The following NLRP12 variants were observed in gnomAD, a reference collection of about 807,000 sequenced individuals.
NLRP12 encodes NACHT, LRR and PYD domains-containing protein 12.
In NLRP12, 108 loss-of-function variants were observed where a neutral mutation model predicts 91.2. That is an observed-to-expected ratio of 1.18 (90% confidence interval 1.01 to 1.39). The LOEUF (loss-of-function observed/expected upper bound fraction) is 1.39, where lower values mean the gene tolerates loss of function less well. NLRP12 is among the 40% of genes most tolerant of loss of function. The pLI is 0.00. For missense variants in NLRP12, 1,530 were observed against 1,352.7 expected (o/e 1.13, Z -2.06); for synonymous variants, 613 against 566.7 (o/e 1.08, Z -1.16).
intron 1 of NLRP12, among the ~76,000 whole-genome samples, chr19:53,815,842 C>G (rs1490263431): frequency 6.6e-6 from 1 of 151,998 alleles, no homozygotes; most frequent in African/African-American, 2.4e-5. Context: ...GAACTCCTGA[C>G]CTCGTGATCC....
At position 53,807,574 on chromosome 19, in the gene NLRP12, G is replaced by T; in HGVS notation, c.2164C>A (p.Arg722=). The change falls in exon 4 of 10, where the codon CGA becomes AGA. Residue 722 remains arginine (R), a synonymous_variant. Transcript: ENST00000324134. The part of the protein sequence containing the change: ...NPNLIELSLY[R]NALGSRGVKL... Reference sequence around the variant, plus strand: ...ACCCCCCGGCTGCCCAGGGCATTTCGGTACAGAGACAGCTCTATCAGGTTT... The same window carrying T: ...ACCCCCCGGCTGCCCAGGGCATTTCTGTACAGAGACAGCTCTATCAGGTTT... 1 of 1,614,058 alleles carries T rather than the reference G, an allele frequency of 6.2e-7. No homozygotes were observed. The highest frequency in any genetic ancestry group is 8.5e-7 in the Non-Finnish European group (1 of 1,180,002).
intron 1 of NLRP12, among the ~76,000 whole-genome samples, chr19:53,821,259 A>C (rs1354298108): frequency 6.6e-6 from 1 of 151,748 alleles, no homozygotes; most frequent in African/African-American, 2.4e-5. Context: ...GCTGGTCTCG[A>C]ACTCCTGACC....
chr19:53,822,365 C>A (rs2092273626), intron 1 of NLRP12, among the ~76,000 whole-genome samples: 1 of 151,982 alleles, frequency 6.6e-6, no homozygotes, highest in South Asian at 2.1e-4. Context: ...TGCCTGTAAT[C>A]CCAGCACTTT....
rs968890448 is a variant in NLRP12, at chr19:53,800,519, G to A, written c.2756+708C>T. Among the ~76,000 whole-genome samples the A allele has an allele frequency of 9.9e-5, 15 of 151,980 alleles. 1 individual carries two copies. Among genetic ancestry groups the A allele is most frequent in the Non-Finnish European group, 1.8e-4 (12 of 68,014 alleles). The stretch of plus-strand genomic sequence containing the variant: ...AACTTCTCCAGGCAAAGAGGGGACA[G>A]AGAGCAGAAGGCATGCCAGGGAATA... On this transcript the variant is annotated intron_variant, in intron 7 of 9. Transcript: ENST00000324134.
chr19:53,798,182 G>A, intron 8 of NLRP12, 61 bp downstream of exon 8: 1 of 1,547,442 alleles, frequency 6.5e-7, no homozygotes, highest in Non-Finnish European at 8.9e-7. Flanking sequence ...AATGAAGGAT[G>A]AGAAGGCGCT....
At chr19:53,805,534 T>TTTC (rs1555794552) in intron 4 of NLRP12, 84 bp from the exon 5 acceptor site, 22 of 1,499,982 alleles carry the variant, frequency 1.5e-5, no homozygotes, top group Non-Finnish European at 1.9e-5. Flanking sequence ...TTTTTTTTTT[T>TTTC]TCTGAGACAG....
Position 53,814,940 on chromosome 19 carries a change from A to C in NLRP12, c.338T>G (p.Leu113Arg). The C allele has an allele frequency of 6.2e-7, 1 of 1,614,116 alleles. No individual in the cohort carries two copies. Among genetic ancestry groups the C allele is most frequent in the Non-Finnish European group, 8.5e-7 (1 of 1,180,010 alleles). Reference sequence around the variant, plus strand: ...TGGAGTGACAAGAGAGACTTCCAGAAGGCATGTTGACTGGTTCCCAAGTGA... The same window carrying C: ...TGGAGTGACAAGAGAGACTTCCAGACGGCATGTTGACTGGTTCCCAAGTGA... ...PSSLGNQSTC[L>R]LEVSLVTPRK... Residue 113 changes from leucine (L) to arginine (R), a missense_variant, in exon 2 of 10, where the codon CTT becomes CGT. Coordinates refer to ENST00000324134, the MANE Select transcript of NLRP12 (RefSeq NM_144687.4).
At chr19:53,806,712 G>A (rs1198960225) in intron 4 of NLRP12, among the ~76,000 whole-genome samples, 4 of 130,460 alleles carry the variant, frequency 3.1e-5, no homozygotes, top group Admixed American at 8.0e-5. Flanking sequence ...AAAGAAATTA[G>A]CCGGGTGTGG....
rs58275455 is a variant in NLRP12 at position 53,806,679 on chromosome 19, C to CAA, written c.2243+814_2243+815dup. On this transcript the variant is annotated intron_variant, in intron 4 of 9. Transcript: ENST00000324134. ...CTGGTGACAAAGCAAGACTCCGTCT[C>CAA]AAAAAAAAAAAAAAAAAAAAAAAAA... Among the ~76,000 whole-genome samples the CAA allele has an allele frequency of 4.3e-3, 187 of 43,374 alleles. 2 individuals carry two copies. The highest frequency in any genetic ancestry group is 0.015 in the African/African-American group (140 of 9,314). 28.5% of individuals were successfully genotyped at this position (43,374 alleles called of 152,430 possible). A position where few individuals can be genotyped will look rare whatever the true frequency, so the allele number is the denominator to read the frequency against.
intron 6 of NLRP12, among the ~76,000 whole-genome samples, chr19:53,802,552 A>C (rs6509824): frequency 0.074 from 11,268 of 151,844 alleles, 1,379 homozygotes; most frequent in African/African-American, 0.25. Flanking sequence ...CTAAAAATAC[A>C]AAAAATTAGC....
chr19:53,822,693 C>T (rs554770906), intron 1 of NLRP12, among the ~76,000 whole-genome samples: 102 of 147,192 alleles, frequency 6.9e-4, no homozygotes, highest in African/African-American at 2.3e-3. Flanking sequence ...GCGGAGATTG[C>T]GCCACTGCAC....
At position 53,819,451 on chromosome 19, in the gene NLRP12, A is replaced by ATGTG. The variant is rs1463710304; in HGVS notation, c.289+4434_289+4435insCACA. ...TATATATATATATATATATATATAT[A>ATGTG]TATATATGTGTGTGTGTGTGTGTGT... On this transcript the variant is annotated intron_variant, in intron 1 of 9. Coordinates refer to ENST00000324134, the MANE Select transcript of NLRP12 (RefSeq NM_144687.4). Among the ~76,000 whole-genome samples, 10 of 10,728 alleles carry ATGTG rather than the reference A, an allele frequency of 9.3e-4. 2 individuals carry two copies. The highest frequency in any genetic ancestry group is 1.8e-3 in the Non-Finnish European group (8 of 4,496). The allele number at this position is 10,728 out of a possible 152,430, so 7.0% of individuals were successfully genotyped here. A position where few individuals can be genotyped will look rare whatever the true frequency, so the allele number is the denominator to read the frequency against.
chr19:53,821,744 G>A (rs886292245), intron 1 of NLRP12, among the ~76,000 whole-genome samples: 1 of 152,084 alleles, frequency 6.6e-6, no homozygotes, highest in African/African-American at 2.4e-5. Context: ...CAGAGTGGTG[G>A]GAGCGAGGAA....
chr19:53,822,386 G>T (rs921558948), intron 1 of NLRP12, among the ~76,000 whole-genome samples: 1 of 152,070 alleles, frequency 6.6e-6, no homozygotes, highest in African/African-American at 2.4e-5. Context: ...GGGAGGCTAA[G>T]GTGGAAGCTC....
At chr19:53,813,737 G>C (rs2092116368) in intron 2 of NLRP12, among the ~76,000 whole-genome samples, 1 of 151,990 alleles carries the variant, frequency 6.6e-6, no homozygotes, top group Non-Finnish European at 1.5e-5. Context: ...CCCCAGGCTG[G>C]AGTGCAGTGG....
intron 1 of NLRP12, among the ~76,000 whole-genome samples, chr19:53,819,843 G>A (rs1366642344): frequency 6.7e-6 from 1 of 149,698 alleles, no homozygotes; most frequent in Non-Finnish European, 1.5e-5. Flanking sequence ...GAAAAAGAGA[G>A]GAGAGGGAGA....
intron 7 of NLRP12, among the ~76,000 whole-genome samples, chr19:53,800,233 A>G (rs1015931009): frequency 6.6e-6 from 1 of 152,046 alleles, no homozygotes; most frequent in Non-Finnish European, 1.5e-5. Flanking sequence ...TGAACCCGGG[A>G]GGTGGAGCTC....
chr19:53,810,576 C>T lies in NLRP12; in HGVS notation c.1083G>A (p.Glu361=). The change falls in exon 3 of 10, where the codon GAG becomes GAA. Residue 361 remains glutamate (E), a synonymous_variant. Coordinates refer to ENST00000324134, the MANE Select transcript of NLRP12 (RefSeq NM_144687.4). ...TTTCTGCCTCAGAGAAGCCCAGGAT[C>T]TCCACATGCCTGGGGTGCTCCAGCA... ...HRLLEHPRHV[E]ILGFSEAERK... 1.2e-6 allele frequency: 2 copies of T among 1,614,082 alleles called. No homozygotes were observed. The highest frequency in any genetic ancestry group is 1.7e-6 in the Non-Finnish European group (2 of 1,180,022).
chr19:53,805,327 C>T lies in NLRP12; in HGVS notation c.2367G>A (p.Leu789=). 6.2e-7 allele frequency: 1 copy of T among 1,614,108 alleles called. No individual in the cohort carries two copies. Among genetic ancestry groups the T allele is most frequent in the Non-Finnish European group, 8.5e-7 (1 of 1,180,016 alleles). ...GGGGATGCCGCAGGCCCTCGCAAAG[C>T]AGCATCATGCCTGGGAATCCAACGC... ...GNGVGFPGMM[L]LCEGLRHPQC... Residue 789 remains leucine (L), a synonymous_variant, in exon 5 of 10, where the codon CTG becomes CTA. Transcript: ENST00000324134.
Sources: gnomAD v4.1 joint callset for allele counts (sites outside exome capture counted in the v4.1 genomes callset) on GRCh38, gnomAD v4.1.1 for gene constraint, MANE v1.5 for transcripts, NCBI Gene and HGNC (gene_info 2026-07-23, HGNC 2026-07-21) for gene names.